Variants in LOC128125818 observed in about 807,000 individuals in gnomAD.
At chr4:6,067,592 T>TCCGCACACACAGGTCACCCCC in the LOC128125818 span, among the ~76,000 whole-genome samples, 2 of 150,692 alleles carry the variant, frequency 1.3e-5, no homozygotes, top group African/African-American at 4.9e-5. This position sits in a 1 kb window ranked among gnomAD's most constrained non-coding sequence, Gnocchi z 4.6. Context: ...CTCAAGCTCT[T>TCCGCACACACAGGTCACCCCC]CTGCACACAC....
At chr4:6,066,233 A>C in the LOC128125818 span, among the ~76,000 whole-genome samples, 1 of 152,100 alleles carries the variant, frequency 6.6e-6, no homozygotes, top group East Asian at 1.9e-4. Context: ...GATATCTGTA[A>C]ATGTGAGAAA....
the LOC128125818 span, among the ~76,000 whole-genome samples, chr4:6,065,762 C>A: frequency 6.6e-6 from 1 of 152,218 alleles, no homozygotes; most frequent in Admixed American, 6.5e-5. This position sits in a 1 kb window ranked among gnomAD's most constrained non-coding sequence, Gnocchi z 5.1. Flanking sequence ...ACTTCTCCCA[C>A]TCCAAATATC....
chr4:6,067,663 C>A, the LOC128125818 span, among the ~76,000 whole-genome samples: 2 of 108,114 alleles, frequency 1.8e-5, no homozygotes, highest in Non-Finnish European at 4.1e-5. This position sits in a 1 kb window ranked among gnomAD's most constrained non-coding sequence, Gnocchi z 4.6. Flanking sequence ...ACACAGGTCA[C>A]CCCCTGAGCT....
At chr4:6,066,126 C>T in the LOC128125818 span, among the ~76,000 whole-genome samples, 6 of 152,110 alleles carry the variant, frequency 3.9e-5, no homozygotes, top group African/African-American at 1.4e-4. Context: ...CTGGCTCATC[C>T]AAAACATGAC....
chr4:6,066,643 C>T, the LOC128125818 span, among the ~76,000 whole-genome samples: 1 of 151,886 alleles, frequency 6.6e-6, no homozygotes. Flanking sequence ...CAGGAGTCCT[C>T]CCCTGTCTTC....
At chr4:6,065,556 G>A in the LOC128125818 span, among the ~76,000 whole-genome samples, 1 of 152,228 alleles carries the variant, frequency 6.6e-6, no homozygotes, top group Non-Finnish European at 1.5e-5. This position sits in a 1 kb window ranked among gnomAD's most constrained non-coding sequence, Gnocchi z 5.1. Flanking sequence ...ACTCTGACTA[G>A]TGTGGCAAAT....
the LOC128125818 span, chr4:6,069,992 C>T: frequency 1.3e-5 from 5 of 397,972 alleles, no homozygotes; most frequent in East Asian, 3.6e-5. The surrounding 1 kb of genome is among the most constrained non-coding windows in gnomAD (Gnocchi z 4.5). Context: ...GCAGGAGCAT[C>T]GGTCGGCCAC....
At chr4:6,066,704 T>G in the LOC128125818 span, among the ~76,000 whole-genome samples, 1 of 152,038 alleles carries the variant, frequency 6.6e-6, no homozygotes, top group Non-Finnish European at 1.5e-5. Flanking sequence ...GTCTTCACCT[T>G]CAACTCAAAA....
chr4:6,065,394 G>T, the LOC128125818 span, among the ~76,000 whole-genome samples: 3 of 152,228 alleles, frequency 2.0e-5, no homozygotes, highest in Non-Finnish European at 4.4e-5. The surrounding 1 kb of genome is among the most constrained non-coding windows in gnomAD (Gnocchi z 5.1). Context: ...CCAGCACTCC[G>T]TCACGCTCCA....
chr4:6,067,951 CTGTT>C, the LOC128125818 span, among the ~76,000 whole-genome samples: 32 of 152,268 alleles, frequency 2.1e-4, no homozygotes, highest in East Asian at 1.9e-4. The surrounding 1 kb of genome is among the most constrained non-coding windows in gnomAD (Gnocchi z 4.6). Context: ...GGGGACGAGT[CTGTT>C]TGTTGCTGTA....
chr4:6,066,594 C>T, the LOC128125818 span, among the ~76,000 whole-genome samples: 140 of 152,274 alleles, frequency 9.2e-4, no homozygotes, highest in African/African-American at 2.2e-3. Context: ...CTGAGTCCAG[C>T]AGCAGCAGCT....
chr4:6,067,643 G>GCA, the LOC128125818 span, among the ~76,000 whole-genome samples: 115 of 117,334 alleles, frequency 9.8e-4, no homozygotes, highest in South Asian at 3.5e-3. The surrounding 1 kb of genome is among the most constrained non-coding windows in gnomAD (Gnocchi z 4.6). Context: ...AAGCTCTTCT[G>GCA]CACACACACA....
chr4:6,068,091 C>T, the LOC128125818 span, among the ~76,000 whole-genome samples: 33 of 152,296 alleles, frequency 2.2e-4, no homozygotes, highest in African/African-American at 7.5e-4. Flanking sequence ...TTACCTAGGA[C>T]GATCCACTGT....
the LOC128125818 span, among the ~76,000 whole-genome samples, chr4:6,067,726 G>A: frequency 5.4e-5 from 8 of 148,302 alleles, no homozygotes; most frequent in South Asian, 4.2e-4. This position sits in a 1 kb window ranked among gnomAD's most constrained non-coding sequence, Gnocchi z 4.6. Flanking sequence ...TGAGCTCCAC[G>A]TTCACTCAAG....
chr4:6,066,768 C>T, the LOC128125818 span, among the ~76,000 whole-genome samples: 34,210 of 151,968 alleles, frequency 0.23, 4,538 homozygotes, highest in Non-Finnish European at 0.29. Context: ...GTCCCAGCCA[C>T]CAATATCTCT....
At chr4:6,065,091 C>G in the LOC128125818 span, 1 of 1,547,862 alleles carries the variant, frequency 6.5e-7, no homozygotes, top group Non-Finnish European at 8.9e-7. This position sits in a 1 kb window ranked among gnomAD's most constrained non-coding sequence, Gnocchi z 5.1. Context: ...CATGCCAGTG[C>G]AGGGGGGTGA....
the LOC128125818 span, among the ~76,000 whole-genome samples, chr4:6,067,845 C>T: frequency 4.6e-5 from 7 of 152,212 alleles, no homozygotes; most frequent in Non-Finnish European, 7.4e-5. The surrounding 1 kb of genome is among the most constrained non-coding windows in gnomAD (Gnocchi z 4.6). Flanking sequence ...CTTCTGCACA[C>T]GCAGGTCACC....
At chr4:6,067,685 C>T in the LOC128125818 span, among the ~76,000 whole-genome samples, 1 of 150,070 alleles carries the variant, frequency 6.7e-6, no homozygotes, top group Non-Finnish European at 1.5e-5. The surrounding 1 kb of genome is among the most constrained non-coding windows in gnomAD (Gnocchi z 4.6). Flanking sequence ...CAGGTTCACT[C>T]AAGCTCTTCT....
At chr4:6,066,848 C>T in the LOC128125818 span, among the ~76,000 whole-genome samples, 1,117 of 152,268 alleles carry the variant, frequency 7.3e-3, 13 homozygotes, top group African/African-American at 0.025. Flanking sequence ...CTACAGGATC[C>T]ACCTCCCATC....
Sources: gnomAD v4.1 joint callset for allele counts (sites outside exome capture counted in the v4.1 genomes callset) on GRCh38, gnomAD v4.1.1 for gene constraint, Gnocchi (gnomAD v3.1) non-coding constraint, MANE v1.5 for transcripts.